Variants in GCH1 observed in about 807,000 individuals in gnomAD.
The protein encoded by GCH1 is GTP cyclohydrolase I.
GCH1 carries 5 observed loss-of-function variants against 25.9 expected under a neutral mutation model. That is an observed-to-expected ratio of 0.19 (90% CI 0.10 to 0.41). GCH1 has a LOEUF of 0.41. Among genes scored for constraint, GCH1 ranks in the 10% least tolerant of loss-of-function variants. The pLI, the probability that GCH1 is intolerant of heterozygous loss-of-function variation, is 1.00. For missense variants in GCH1, 261 were observed against 336.5 expected (o/e 0.78, Z 1.75); for synonymous variants, 159 against 129.6 (o/e 1.23, Z -1.54).
Position 54,843,075 on chromosome 14 carries a change from CA to C in GCH1, c.*941del. On this transcript the variant is annotated 3_prime_UTR_variant, in exon 6 of 6. Transcript: ENST00000491895. Reference sequence around the variant, plus strand: ...CAGACCTGAAAATGATGGGCACTCTCAAATGTTTCTGGAAATACTTAGAAAA... The same window carrying C: ...CAGACCTGAAAATGATGGGCACTCTCAATGTTTCTGGAAATACTTAGAAAA... The C allele has an allele frequency of 3.0e-6, 4 of 1,333,432 alleles. No homozygotes were observed. Among genetic ancestry groups the C allele is most frequent in the Non-Finnish European group, 4.3e-6 (4 of 926,816 alleles). The allele number at this position is 1,333,432 out of a possible 1,614,324, so 82.6% of individuals were successfully genotyped here.
At chr14:54,863,421 C>CAAA (rs755639452) in intron 2 of GCH1, among the ~76,000 whole-genome samples, 1 of 8,328 alleles carries the variant, frequency 1.2e-4, no homozygotes, top group Non-Finnish European at 2.1e-4. Flanking sequence ...GACTCCGTCT[C>CAAA]AAAAAAAAAA....
intron 1 of GCH1, among the ~76,000 whole-genome samples, chr14:54,866,258 G>A (rs1018285252): frequency 3.3e-5 from 5 of 152,040 alleles, no homozygotes; most frequent in African/African-American, 1.2e-4. Flanking sequence ...ATCCTGTCCT[G>A]GATGCTGAAG....
chr14:54,868,493 T>C (rs1313530980), intron 1 of GCH1, among the ~76,000 whole-genome samples: 2 of 152,144 alleles, frequency 1.3e-5, no homozygotes, highest in African/African-American at 4.8e-5. Flanking sequence ...GACTAAGGAA[T>C]TGTCAGATTG....
chr14:54,876,287 A>C (rs1217083257), intron 1 of GCH1, among the ~76,000 whole-genome samples: 1 of 152,154 alleles, frequency 6.6e-6, no homozygotes, highest in Non-Finnish European at 1.5e-5. Flanking sequence ...GTGGGAATTG[A>C]ACAATGAGAA....
intron 3 of GCH1, among the ~76,000 whole-genome samples, chr14:54,856,820 G>A (rs939585528): frequency 2.0e-5 from 3 of 152,160 alleles, no homozygotes; most frequent in Non-Finnish European, 4.4e-5. Context: ...ACAAAAGAAA[G>A]TTCTATTCAA....
In GCH1 at chr14:54,842,962, T is replaced by C. The variant is rs1441356141; in HGVS notation, c.*1055A>G. ...TTCACAGATCGTTGGTACGATACGC[T>C]TTGGTTAAAACGTTGGACACAGCTC... is the stretch of plus-strand genomic sequence containing the variant. On this transcript the variant is annotated 3_prime_UTR_variant, in exon 6 of 6. Coordinates refer to ENST00000491895, the MANE Select transcript of GCH1 (RefSeq NM_000161.3). 4 of 729,508 alleles carry C rather than the reference T, an allele frequency of 5.5e-6. No individual in the cohort carries two copies. Among genetic ancestry groups the C allele is most frequent in the Admixed American group, 2.0e-5 (1 of 48,874 alleles). The allele number at this position is 729,508 out of a possible 1,614,324, so 45.2% of individuals were successfully genotyped here.
At chr14:54,899,457 CA>C (rs1251669331) in intron 1 of GCH1, among the ~76,000 whole-genome samples, 1 of 152,032 alleles carries the variant, frequency 6.6e-6, no homozygotes. Context: ...AACCCTGTCT[CA>C]AAAACATGAA....
At chr14:54,853,027 G>A (rs776779443) in intron 3 of GCH1, among the ~76,000 whole-genome samples, 7 of 152,150 alleles carry the variant, frequency 4.6e-5, no homozygotes, top group Non-Finnish European at 8.8e-5. Context: ...GCAATGGTGC[G>A]ATCTCAGCTC....
chr14:54,872,444 G>C (rs1387252143), intron 1 of GCH1, among the ~76,000 whole-genome samples: 1 of 152,108 alleles, frequency 6.6e-6, no homozygotes, highest in Non-Finnish European at 1.5e-5. Flanking sequence ...ATCAACTAAC[G>C]AGCAAAATAA....
At chr14:54,900,201 GTTTT>G (rs915850276) in intron 1 of GCH1, among the ~76,000 whole-genome samples, 4 of 149,272 alleles carry the variant, frequency 2.7e-5, no homozygotes, top group East Asian at 2.0e-4. Context: ...GACCAGAACA[GTTTT>G]TTTGTTTTTT....
chr14:54,883,137 G>C (rs1326396471), intron 1 of GCH1, among the ~76,000 whole-genome samples: 2 of 151,940 alleles, frequency 1.3e-5, no homozygotes, highest in Non-Finnish European at 2.9e-5. Flanking sequence ...ACTTTGGGAG[G>C]ATGAGGCAGG....
At position 54,851,685 on chromosome 14, in the gene GCH1, A is replaced by G. The variant is rs1214222616; in HGVS notation, c.510-4555T>C. 1.9e-4 allele frequency among the ~76,000 whole-genome samples: 29 copies of G among 152,300 alleles called. 1 individual carries two copies. The East Asian group carries it at 5.6e-3, about 29-fold the overall frequency. ...AAACCACAATGAGATACCATCTCAC[A>G]CCAGTTAGAATGGCAATCATTAAAA... On this transcript the variant is annotated intron_variant, in intron 3 of 5. Transcript: ENST00000491895.
Position 54,902,448 on chromosome 14 carries a change from T to A in GCH1, c.216A>T (p.Ala72=). ...EDNELNLPNL[A]AAYSSILSSL... is the part of the protein sequence containing the mutation. ...AGCTCAGGATGGACGAGTAGGCGGC[T>A]GCCAGGTTAGGGAGGTTCAGCTCGT... The change falls in exon 1 of 6, where the codon GCA becomes GCT. Residue 72 remains alanine, a synonymous_variant. Coordinates refer to ENST00000491895, the MANE Select transcript of GCH1 (RefSeq NM_000161.3). The A allele has an allele frequency of 6.2e-7, 1 of 1,612,836 alleles. No homozygotes were observed.
At chr14:54,870,413 C>T (rs2040054188) in intron 1 of GCH1, among the ~76,000 whole-genome samples, 3 of 151,652 alleles carry the variant, frequency 2.0e-5, no homozygotes, top group South Asian at 4.2e-4. Flanking sequence ...GTCTACAGCT[C>T]CCAGTGTGAG....
In GCH1 at chr14:54,862,639, G is replaced by T. The variant is rs1286490967; in HGVS notation, c.453+2688C>A. ...TTTTTTTTTTTTTGGTAGAGACAGG[G>T]TTTTACCATGTTGCCTAGGTTGGTC... is the stretch of plus-strand genomic sequence containing the variant. On this transcript the variant is annotated intron_variant, in intron 2 of 5. Coordinates refer to ENST00000491895, the MANE Select transcript of GCH1 (RefSeq NM_000161.3). 6.7e-5 allele frequency among the ~76,000 whole-genome samples: 9 copies of T among 135,130 alleles called. No individual in the cohort carries two copies. In the Admixed American group the frequency reaches 7.1e-4, roughly 11 times the overall value. The allele number at this position is 135,130 out of a possible 152,430, so 88.7% of individuals were successfully genotyped here. A position where few individuals can be genotyped will look rare whatever the true frequency, so the allele number is the denominator to read the frequency against.
rs182959899 is a variant in GCH1, at chr14:54,894,020, C to T, written c.343+8301G>A. 3.2e-4 allele frequency among the ~76,000 whole-genome samples: 49 copies of T among 152,206 alleles called. No homozygotes were observed. The East Asian group carries it at 7.7e-3, about 24-fold the overall frequency. On this transcript the variant is annotated intron_variant, in intron 1 of 5. Transcript: ENST00000491895. ...GGTTTTGCTCATCCTGCATTCCCAG[C>T]GTTCAGTGAAGTGCGTAGTACTTGA...
chr14:54,893,735 G>C (rs1237350030), intron 1 of GCH1, among the ~76,000 whole-genome samples: 1 of 152,114 alleles, frequency 6.6e-6, no homozygotes, highest in East Asian at 1.9e-4. Context: ...AGGATCAAAT[G>C]AGGTAACACA....
chr14:54,864,842 A>T (rs1395886390), intron 2 of GCH1, among the ~76,000 whole-genome samples: 2 of 152,218 alleles, frequency 1.3e-5, no homozygotes, highest in Non-Finnish European at 2.9e-5. Flanking sequence ...TTCCTAATAT[A>T]GAAAGGAATG....
At position 54,845,817 on chromosome 14, in the gene GCH1, T is replaced by C; in HGVS notation, c.577A>G (p.Ile193Val). 6.2e-7 allele frequency: 1 copy of C among 1,611,308 alleles called. No individual in the cohort carries two copies. ...CCAGCAGGCCGCAAGGCTTCCGTGATTGCTACAGCAATTTGTTTTGTAAGG... is the reference window on the plus strand; with the variant it reads ...CCAGCAGGCCGCAAGGCTTCCGTGACTGCTACAGCAATTTGTTTTGTAAGG... ...ERLTKQIAVA[I>V]TEALRPAGVG... Residue 193 changes from isoleucine to valine, a missense_variant, in exon 5 of 6, where the codon ATC (isoleucine) becomes GTC (valine). Ile to Val is a conservative substitution (Grantham distance 29, BLOSUM62 3). Around this residue, in one of 3 missense-constraint regions of GCH1, gnomAD observed 130 missense variants for 184.1 expected, o/e 0.71. Transcript: ENST00000491895.
Sources: gnomAD v4.1 joint callset for allele counts (sites outside exome capture counted in the v4.1 genomes callset) on GRCh38, gnomAD v4.1.1 for gene constraint, gnomAD v4.1.1 regional missense constraint, MANE v1.5 for transcripts, NCBI Gene and HGNC (gene_info 2026-07-23, HGNC 2026-07-21) for gene names.